CCDC178: variants seen among roughly 807,000 people sequenced by gnomAD.
CCDC178 encodes coiled-coil domain containing 178.
In CCDC178, 126 loss-of-function variants were observed where a neutral mutation model predicts 117.4. The observed-to-expected ratio is 1.07, with a 90% CI of 0.93 to 1.24. The LOEUF (loss-of-function observed/expected upper bound fraction) is 1.24. CCDC178 is among the 50% of genes most tolerant of loss of function. The pLI is 0.00. For synonymous variants in CCDC178, 283 were observed against 313.4 expected (o/e 0.90, Z 1.02); for missense variants, 1,030 against 986.9 (o/e 1.04, Z -0.59).
chr18:33,206,972 G>T (rs1228754975), intron 20 of CCDC178, among the ~76,000 whole-genome samples: 1 of 152,164 alleles, frequency 6.6e-6, no homozygotes, highest in Non-Finnish European at 1.5e-5. Flanking sequence ...CACCCTTTGA[G>T]TCTTGAAGCC....
chr18:33,307,120 G>A (rs950447484), intron 11 of CCDC178, among the ~76,000 whole-genome samples: 2 of 152,166 alleles, frequency 1.3e-5, no homozygotes, highest in Non-Finnish European at 2.9e-5. Context: ...CAGTAGAGTG[G>A]GGTGCTGCTA....
At chr18:33,110,400 G>C (rs2057765121) in intron 20 of CCDC178, among the ~76,000 whole-genome samples, 1 of 151,504 alleles carries the variant, frequency 6.6e-6, no homozygotes, top group Non-Finnish European at 1.5e-5. Context: ...ATTTTTAAAA[G>C]AGTACAGTTT....
intron 22 of CCDC178, among the ~76,000 whole-genome samples, chr18:32,939,227 G>A (rs1299364304): frequency 6.6e-6 from 1 of 151,588 alleles, no homozygotes; most frequent in Non-Finnish European, 1.5e-5. Context: ...TTTGATATGT[G>A]TTAATATGTA....
chr18:33,411,897 C>A (rs1057401803), intron 3 of CCDC178, 134 bp downstream of exon 3: 20 of 475,548 alleles, frequency 4.2e-5, no homozygotes, highest in Non-Finnish European at 7.7e-5. Flanking sequence ...TTTACTGGTC[C>A]CAGTAAGTTT....
intron 20 of CCDC178, among the ~76,000 whole-genome samples, chr18:33,140,322 G>GAATT (rs1319297942): frequency 6.6e-6 from 1 of 152,054 alleles, no homozygotes; most frequent in African/African-American, 2.4e-5. Context: ...CCAGACCCCA[G>GAATT]AATTATAGAT....
intron 10 of CCDC178, among the ~76,000 whole-genome samples, chr18:33,328,895 T>C (rs952061546): frequency 3.9e-5 from 6 of 152,186 alleles, no homozygotes; most frequent in South Asian, 2.1e-4. Context: ...TTAGGTGCTA[T>C]TGACACTTTA....
At chr18:33,154,836 G>C (rs1433286339) in intron 20 of CCDC178, among the ~76,000 whole-genome samples, 1 of 152,026 alleles carries the variant, frequency 6.6e-6, no homozygotes, top group Non-Finnish European at 1.5e-5. Context: ...TGGTTAAAAA[G>C]ATATAACAGT....
intron 21 of CCDC178, among the ~76,000 whole-genome samples, chr18:33,073,541 ATC>A (rs879823293): frequency 0.014 from 2,109 of 150,080 alleles, 16 homozygotes; most frequent in Non-Finnish European, 0.019. Flanking sequence ...CTATCTATCT[ATC>A]TATCTATCTA....
intron 2 of CCDC178, among the ~76,000 whole-genome samples, chr18:33,416,317 C>T (rs1211785539): frequency 6.6e-5 from 10 of 151,998 alleles, no homozygotes; most frequent in African/African-American, 2.4e-4. Flanking sequence ...GTCCCAGCTG[C>T]TCTGGAGGCT....
At chr18:33,233,039 A>C (rs1344924446) in intron 15 of CCDC178, among the ~76,000 whole-genome samples, 3 of 152,164 alleles carry the variant, frequency 2.0e-5, no homozygotes, top group Non-Finnish European at 4.4e-5. Context: ...TATCTGTATA[A>C]GCACTGTTTA....
chr18:33,112,111 A>C (rs774119121), intron 20 of CCDC178, among the ~76,000 whole-genome samples: 9 of 151,814 alleles, frequency 5.9e-5, no homozygotes, highest in Non-Finnish European at 1.3e-4. Flanking sequence ...GACTGATATT[A>C]TAAATAAAAA....
intron 20 of CCDC178, among the ~76,000 whole-genome samples, chr18:33,124,560 T>C (rs1201586612): frequency 6.6e-6 from 1 of 152,188 alleles, no homozygotes; most frequent in African/African-American, 2.4e-5. Flanking sequence ...TAACTAACTT[T>C]AGTTTAATTA....
At chr18:33,072,899 G>A (rs2057134603) in intron 21 of CCDC178, among the ~76,000 whole-genome samples, 1 of 152,162 alleles carries the variant, frequency 6.6e-6, no homozygotes, top group Admixed American at 6.5e-5. Flanking sequence ...GAGTCACTGA[G>A]CCTGGCCAAC....
At chr18:33,238,299 C>T (rs77127953) in intron 15 of CCDC178, among the ~76,000 whole-genome samples, 1 of 151,904 alleles carries the variant, frequency 6.6e-6, no homozygotes, top group African/African-American at 2.4e-5. Context: ...CAGTAACATA[C>T]CCCAATAATA....
chr18:33,055,418 G>C (rs1374568916), intron 21 of CCDC178, among the ~76,000 whole-genome samples: 1 of 150,102 alleles, frequency 6.7e-6, no homozygotes, highest in East Asian at 2.0e-4. Context: ...CTCACTGTAG[G>C]CCCAATCTTC....
chr18:33,191,214 T>C (rs2058854306), intron 20 of CCDC178, among the ~76,000 whole-genome samples: 1 of 152,130 alleles, frequency 6.6e-6, no homozygotes, highest in Admixed American at 6.5e-5. Context: ...CACATATCTA[T>C]TACTGGATTT....
At chr18:33,137,406 T>C (rs2058142338) in intron 20 of CCDC178, among the ~76,000 whole-genome samples, 1 of 152,192 alleles carries the variant, frequency 6.6e-6, no homozygotes, top group South Asian at 2.1e-4. Context: ...TTAATATTAA[T>C]AGTAATGTAA....
intron 2 of CCDC178, among the ~76,000 whole-genome samples, chr18:33,435,373 A>G (rs185748639): frequency 1.3e-5 from 2 of 152,182 alleles, no homozygotes; most frequent in Non-Finnish European, 2.9e-5. Flanking sequence ...TCTTTTGGAC[A>G]GTGTTGTTTT....
chr18:32,989,164 C>A (rs947107500), intron 21 of CCDC178, among the ~76,000 whole-genome samples: 2 of 151,926 alleles, frequency 1.3e-5, no homozygotes, highest in South Asian at 2.1e-4. Context: ...AGTAAAAAAA[C>A]CAAAAAGTAT....
Sources: allele counts gnomAD v4.1 joint callset (sites outside exome capture counted in the v4.1 genomes callset), GRCh38; gene constraint gnomAD v4.1.1; transcripts MANE v1.5; gene names NCBI Gene and HGNC (gene_info 2026-07-23, HGNC 2026-07-21).